Variants in IFT74 observed in about 807,000 individuals in gnomAD.
The protein encoded by IFT74 is intraflagellar transport 74.
A neutral mutation model predicts 96.7 loss-of-function variants in IFT74; 92 were observed. The ratio of observed to expected loss-of-function variants is 0.95; its 90% CI spans 0.80 to 1.13. The LOEUF (loss-of-function observed/expected upper bound fraction) is 1.13. IFT74 is among the 50% of genes most tolerant of loss of function. IFT74 has a pLI of 0.00. For missense variants in IFT74, 811 were observed against 698.2 expected (o/e 1.16, Z -1.82); for synonymous variants, 223 against 213.2 (o/e 1.05, Z -0.40).
chr9:27,036,336 G>T (rs901332392), intron 13 of IFT74: 4 of 1,360,474 alleles, frequency 2.9e-6, no homozygotes, highest in African/African-American at 3.0e-5. Flanking sequence ...TAGAAAATTG[G>T]GTGAAACCTA....
At position 27,060,719 on chromosome 9, in the gene IFT74, G is replaced by T. The variant is rs576139217; in HGVS notation, c.1684+68G>T. 99 of 1,144,186 alleles carry T rather than the reference G, an allele frequency of 8.7e-5. 2 individuals carry two copies. In the South Asian group the frequency reaches 1.5e-3, roughly 18 times the overall value. The allele number at this position is 1,144,186 out of a possible 1,614,324, so 70.9% of individuals were successfully genotyped here. A position where few individuals can be genotyped will look rare whatever the true frequency, so the allele number is the denominator to read the frequency against. Reference sequence around the variant, plus strand: ...CATGCCTATAGTCCCAACACTTTGGGAGGCCGAGGCAGGTGGGCCACAAGG... The same window carrying T: ...CATGCCTATAGTCCCAACACTTTGGTAGGCCGAGGCAGGTGGGCCACAAGG... On this transcript the variant is annotated intron_variant, in intron 19 of 19. Transcript: ENST00000380062.
chr9:26,960,648 G>A (rs1182719298), intron 1 of IFT74, among the ~76,000 whole-genome samples: 1 of 152,184 alleles, frequency 6.6e-6, no homozygotes, highest in Non-Finnish European at 1.5e-5. Context: ...AAAGGAGAGG[G>A]CTGATAAACT....
At chr9:26,980,370 G>T (rs115438624) in intron 3 of IFT74, among the ~76,000 whole-genome samples, 5 of 152,134 alleles carry the variant, frequency 3.3e-5, no homozygotes, top group Non-Finnish European at 7.4e-5. Flanking sequence ...TCCCATCTTC[G>T]TAGTTTTAAT....
In IFT74 at chr9:26,982,968, C is replaced by T. The variant is rs185023659; in HGVS notation, c.306-1289C>T. Among the ~76,000 whole-genome samples, 45 of 152,278 alleles carry T rather than the reference C, an allele frequency of 3.0e-4. No homozygotes were observed. The East Asian group carries it at 7.5e-3, about 26-fold the overall frequency. On this transcript the variant is annotated intron_variant, in intron 4 of 19. Coordinates refer to ENST00000380062, the MANE Select transcript of IFT74 (RefSeq NM_025103.4). The stretch of plus-strand genomic sequence containing the variant: ...TTTTCTTATTCTTACTATTTTCCCA[C>T]TTACTTGTTCTACTGTCCTATCTCC...
intron 13 of IFT74, among the ~76,000 whole-genome samples, chr9:27,040,084 C>T (rs180719918): frequency 8.5e-5 from 13 of 152,196 alleles, no homozygotes; most frequent in South Asian, 2.1e-4. Context: ...GCCTTGAAAA[C>T]GGCTGAAATC....
In IFT74 at chr9:27,056,466, A is replaced by C. The variant is rs191860894; in HGVS notation, c.1623+7A>C. 1,612 of 1,583,120 alleles carry C rather than the reference A, an allele frequency of 1.0e-3. No homozygotes were observed. The highest frequency in any genetic ancestry group is 1.2e-3 in the Non-Finnish European group (1,444 of 1,167,772). Reference sequence around the variant, plus strand: ...AAATGAGACACATTCTCAGGTAAAAAATGTTTTAAATGACTTTGAAATTGT... The same window carrying C: ...AAATGAGACACATTCTCAGGTAAAACATGTTTTAAATGACTTTGAAATTGT... On this transcript the variant is annotated splice_region_variant and intron_variant, in intron 18 of 19. Transcript: ENST00000380062.
At chr9:27,039,303 T>C (rs1446303450) in intron 13 of IFT74, among the ~76,000 whole-genome samples, 1 of 152,160 alleles carries the variant, frequency 6.6e-6, no homozygotes, top group Non-Finnish European at 1.5e-5. Flanking sequence ...AGTATTGGGA[T>C]CATAGGTGTG....
upstream of IFT74, among the ~76,000 whole-genome samples, chr9:26,954,910 C>T (rs1389246261): frequency 6.6e-6 from 1 of 151,958 alleles, no homozygotes; most frequent in Non-Finnish European, 1.5e-5. Flanking sequence ...GATATGGTGC[C>T]TACTCTAAGG....
At chr9:27,041,688 T>C (rs1192230169) in intron 13 of IFT74, among the ~76,000 whole-genome samples, 1 of 152,190 alleles carries the variant, frequency 6.6e-6, no homozygotes, top group Non-Finnish European at 1.5e-5. Context: ...CATCCTGTCC[T>C]GTGATATTGA....
intron 1 of IFT74, among the ~76,000 whole-genome samples, chr9:26,960,172 G>A (rs1433729128): frequency 1.3e-5 from 2 of 151,742 alleles, no homozygotes; most frequent in East Asian, 3.9e-4. Flanking sequence ...GCCTTCTCTT[G>A]GCGTCTCTGA....
intron 1 of IFT74, among the ~76,000 whole-genome samples, chr9:26,956,951 A>G (rs1253457263): frequency 6.6e-6 from 1 of 152,226 alleles, no homozygotes; most frequent in East Asian, 1.9e-4. Flanking sequence ...AGATGTTTTA[A>G]ATGTAATACT....
At chr9:26,986,227 T>C (rs1587289905) in intron 6 of IFT74, among the ~76,000 whole-genome samples, 2 of 152,330 alleles carry the variant, frequency 1.3e-5, no homozygotes, top group African/African-American at 4.8e-5. Context: ...ACCTTGTGCT[T>C]ATCAAAAATT....
chr9:26,975,641 C>A (rs773467554), intron 2 of IFT74, among the ~76,000 whole-genome samples: 1 of 152,122 alleles, frequency 6.6e-6, no homozygotes, highest in African/African-American at 2.4e-5. Flanking sequence ...TGGTGTCTAA[C>A]TGAAATAGGC....
intron 16 of IFT74, among the ~76,000 whole-genome samples, chr9:27,050,652 A>T (rs1819879847): frequency 6.8e-6 from 1 of 146,122 alleles, no homozygotes; most frequent in African/African-American, 2.5e-5. Context: ...TAACTTAAGA[A>T]TGTTGAAAGA....
chr9:26,961,851 G>T, intron 1 of IFT74, 98 bp from the exon 2 acceptor site: 1 of 1,325,348 alleles, frequency 7.5e-7, no homozygotes, highest in Admixed American at 1.9e-5. Context: ...CAGTTTGCAA[G>T]AACAATTGTT....
chr9:27,009,400 C>T (rs1828942496), intron 9 of IFT74, among the ~76,000 whole-genome samples: 1 of 152,066 alleles, frequency 6.6e-6, no homozygotes, highest in Non-Finnish European at 1.5e-5. Flanking sequence ...TTTTGGTTTA[C>T]TTCTATTTAT....
At chr9:27,061,700 CATAATAT>C (rs201314609) in intron 19 of IFT74, among the ~76,000 whole-genome samples, 11 of 127,672 alleles carry the variant, frequency 8.6e-5, no homozygotes, top group African/African-American at 3.1e-4. Flanking sequence ...TATATATGTA[CATAATAT>C]ATAATATATA....
intron 13 of IFT74, chr9:27,036,810 G>T: frequency 9.3e-7 from 1 of 1,077,032 alleles, no homozygotes; most frequent in Non-Finnish European, 1.1e-6. Flanking sequence ...AGTGGCGTGT[G>T]ATTTACCAAA....
At chr9:27,022,157 T>C (rs1829636644) in intron 12 of IFT74, among the ~76,000 whole-genome samples, 1 of 152,170 alleles carries the variant, frequency 6.6e-6, no homozygotes, top group Admixed American at 6.5e-5. Context: ...TGGTTTTATT[T>C]CTGGGTTCTC....
Sources: gnomAD v4.1 joint callset for allele counts (sites outside exome capture counted in the v4.1 genomes callset) on GRCh38, gnomAD v4.1.1 for gene constraint, MANE v1.5 for transcripts, NCBI Gene and HGNC (gene_info 2026-07-23, HGNC 2026-07-21) for gene names.